Variants in PTPN4 observed in about 807,000 individuals in gnomAD.
PTPN4 encodes tyrosine-protein phosphatase non-receptor type 4.
In PTPN4, 49 loss-of-function variants were observed where a neutral mutation model predicts 135.5. The observed-to-expected ratio is 0.36, with a 90% CI of 0.29 to 0.46. PTPN4 has a LOEUF of 0.46. PTPN4 is among the 20% of genes least tolerant of loss of function. The pLI is 1.00. For synonymous variants in PTPN4, 333 were observed against 369.9 expected (o/e 0.90, Z 1.14); for missense variants, 860 against 1,101.0 (o/e 0.78, Z 3.10).
chr2:119,878,561 T>G (rs1337576418), intron 5 of PTPN4, among the ~76,000 whole-genome samples: 1 of 152,166 alleles, frequency 6.6e-6, no homozygotes, highest in African/African-American at 2.4e-5. Context: ...AATTATTTAA[T>G]TAGCTGCAGC....
At chr2:119,807,665 A>G (rs1691497669) in intron 1 of PTPN4, among the ~76,000 whole-genome samples, 1 of 152,238 alleles carries the variant, frequency 6.6e-6, no homozygotes, top group Non-Finnish European at 1.5e-5. Flanking sequence ...AGCTCGTACC[A>G]TTCCTTCTGA....
rs370379126 is a variant in PTPN4, at chr2:119,965,637, C to T, written c.2550C>T (p.Val850=). ...KRAGKEEPVV[V]HCSAGIGRTG... ...CTGGCAAGGAAGAACCCGTTGTTGT[C>T]CATTGCAGGTACTCTGTTTTCCGTC... The change falls in exon 25 of 27, where the codon GTC becomes GTT. Residue 850 remains valine, a synonymous_variant. Transcript: ENST00000263708. 12 of 1,612,722 alleles carry T rather than the reference C, an allele frequency of 7.4e-6. No homozygotes were observed. In the African/African-American group the frequency reaches 9.3e-5, roughly 13 times the overall value.
intron 2 of PTPN4, among the ~76,000 whole-genome samples, chr2:119,834,332 T>C (rs574193710): frequency 3.3e-5 from 5 of 152,138 alleles, no homozygotes; most frequent in Admixed American, 2.0e-4. Flanking sequence ...GCTTACTTTT[T>C]AAGAAACCTG....
chr2:119,922,500 G>A (rs1369390762), intron 12 of PTPN4, among the ~76,000 whole-genome samples: 1 of 152,148 alleles, frequency 6.6e-6, no homozygotes, highest in African/African-American at 2.4e-5. Flanking sequence ...TGCATTTCAA[G>A]TGTTAAGCCA....
chr2:119,966,153 C>T (rs1679442600), intron 25 of PTPN4, among the ~76,000 whole-genome samples: 1 of 152,124 alleles, frequency 6.6e-6, no homozygotes. Context: ...ATACTGTTTC[C>T]CCACATGCTA....
intron 15 of PTPN4, among the ~76,000 whole-genome samples, chr2:119,943,952 C>T (rs1256535873): frequency 2.0e-5 from 3 of 152,084 alleles, no homozygotes; most frequent in African/African-American, 7.2e-5. Context: ...ACCCACATGT[C>T]ATTGGCCAAA....
At chr2:119,926,694 A>G in intron 13 of PTPN4, 28 bp downstream of exon 13, 2 of 1,523,646 alleles carry the variant, frequency 1.3e-6, no homozygotes, top group Non-Finnish European at 1.8e-6. Flanking sequence ...CATTGTTTGA[A>G]TTTTTTTAAA....
At chr2:119,853,997 C>T (rs1025289939) in intron 2 of PTPN4, among the ~76,000 whole-genome samples, 5 of 151,932 alleles carry the variant, frequency 3.3e-5, no homozygotes, top group African/African-American at 9.7e-5. Context: ...GGGCTCTGAA[C>T]GAAGAGGAAA....
chr2:119,818,653 T>C (rs1477915883), intron 2 of PTPN4, among the ~76,000 whole-genome samples: 1 of 152,214 alleles, frequency 6.6e-6, no homozygotes, highest in Admixed American at 6.5e-5. Context: ...TCTGGCCCTT[T>C]ATAGGAAAGG....
chr2:119,809,983 A>G lies in PTPN4; in HGVS notation c.130A>G (p.Lys44Glu), dbSNP rs1240011706. The G allele has an allele frequency of 1.2e-6, 2 of 1,606,608 alleles. No individual in the cohort carries two copies. The highest frequency in any genetic ancestry group is 1.7e-6 in the Non-Finnish European group (2 of 1,177,806). The change falls in exon 2 of 27, where the codon AAA becomes GAA. Residue 44 changes from lysine to glutamate, a missense_variant. This residue lies in a region of PTPN4 where 684 missense variants were observed against 807.0 expected (regional missense o/e 0.85). Transcript: ENST00000263708. ...TCTGGATAACACTGTACAAGCTTTCAAAGTCAATGTAAGTATTTTGTGTCT... is the reference window on the plus strand; with the variant it reads ...TCTGGATAACACTGTACAAGCTTTCGAAGTCAATGTAAGTATTTTGTGTCT... ...LLLDNTVQAF[K>E]VNKHDQGQVL...
At chr2:119,843,071 G>C (rs1415559785) in intron 2 of PTPN4, among the ~76,000 whole-genome samples, 1 of 152,134 alleles carries the variant, frequency 6.6e-6, no homozygotes, top group Non-Finnish European at 1.5e-5. Flanking sequence ...ATTCTTGTCT[G>C]TCTATTGATA....
chr2:119,910,757 C>T (rs1678559367), intron 10 of PTPN4, among the ~76,000 whole-genome samples: 1 of 152,074 alleles, frequency 6.6e-6, no homozygotes, highest in South Asian at 2.1e-4. Flanking sequence ...GAATAAAGTA[C>T]CTTGCTTGCC....
intron 2 of PTPN4, among the ~76,000 whole-genome samples, chr2:119,828,620 T>A (rs1171564985): frequency 1.3e-5 from 2 of 152,222 alleles, no homozygotes; most frequent in Non-Finnish European, 2.9e-5. Context: ...GTGAAACAGT[T>A]TTCCAAAGTG....
intron 16 of PTPN4, 68 bp from the exon 17 acceptor site, chr2:119,946,273 T>C: frequency 8.3e-7 from 1 of 1,198,228 alleles, no homozygotes; most frequent in East Asian, 2.4e-5. Context: ...AAAATATGCT[T>C]CCTATATATC....
At chr2:119,804,767 T>C (rs953730449) in intron 1 of PTPN4, among the ~76,000 whole-genome samples, 18 of 152,244 alleles carry the variant, frequency 1.2e-4, no homozygotes, top group African/African-American at 4.3e-4. Flanking sequence ...TATAGCAGAA[T>C]GATTTATAAT....
rs146605481 is a variant in PTPN4 at position 119,906,997 on chromosome 2, T to C, written c.764+6191T>C. 2.5e-3 allele frequency among the ~76,000 whole-genome samples: 380 copies of C among 152,302 alleles called. 2 individuals are homozygous for C. The highest frequency in any genetic ancestry group is 7.1e-3 in the Admixed American group (109 of 15,298). On this transcript the variant is annotated intron_variant, in intron 10 of 26. Coordinates refer to ENST00000263708, the MANE Select transcript of PTPN4 (RefSeq NM_002830.4). Reference sequence around the variant, plus strand: ...AACAAAATTAATGTACAAACATCTGTTACGTTTCTGTACACCAATAATAGC... The same window carrying C: ...AACAAAATTAATGTACAAACATCTGCTACGTTTCTGTACACCAATAATAGC...
chr2:119,832,751 T>TA (rs1192255401), intron 2 of PTPN4, among the ~76,000 whole-genome samples: 2 of 152,162 alleles, frequency 1.3e-5, no homozygotes, highest in African/African-American at 4.8e-5. Context: ...CCTTTTTTTT[T>TA]ACTGTGATGC....
intron 12 of PTPN4, among the ~76,000 whole-genome samples, chr2:119,922,893 TTCTG>T (rs1193719823): frequency 1.3e-5 from 2 of 152,212 alleles, no homozygotes; most frequent in Non-Finnish European, 2.9e-5. Context: ...ATATGGTAGT[TTCTG>T]TCTGTCAGCA....
At chr2:119,870,205 G>C (rs1446463711) in intron 3 of PTPN4, among the ~76,000 whole-genome samples, 2 of 152,020 alleles carry the variant, frequency 1.3e-5, no homozygotes, top group African/African-American at 4.8e-5. Context: ...ATACCATTTA[G>C]GAGACATACA....
Sources: gnomAD v4.1 joint callset for allele counts (sites outside exome capture counted in the v4.1 genomes callset) on GRCh38, gnomAD v4.1.1 for gene constraint, gnomAD v4.1.1 regional missense constraint, MANE v1.5 for transcripts, NCBI Gene and HGNC (gene_info 2026-07-23, HGNC 2026-07-21) for gene names.